IL1RAPL1: variants seen among roughly 807,000 people sequenced by gnomAD.
IL1RAPL1 encodes interleukin-1 receptor accessory protein-like 1.
Under a neutral mutation model 48.4 loss-of-function variants are expected in IL1RAPL1, and 3 were observed. The ratio of observed to expected loss-of-function variants is 0.06; its 90% CI spans 0.03 to 0.16. The LOEUF is 0.16. Among genes scored for constraint, IL1RAPL1 ranks in the 10% least tolerant of loss-of-function variants. The pLI, the probability that IL1RAPL1 is intolerant of heterozygous loss-of-function variation, is 1.00. For synonymous variants in IL1RAPL1, 185 were observed against 187.7 expected (o/e 0.99, Z 0.12); for missense variants, 349 against 530.6 (o/e 0.66, Z 3.36).
At chrX:29,484,482 A>G (rs1935076004) in intron 5 of IL1RAPL1, among the ~76,000 whole-genome samples, 1 of 112,204 alleles carries the variant, frequency 8.9e-6, no homozygotes, top group African/African-American at 3.2e-5. Context: ...CATTCACACC[A>G]TAGCACACAA....
At chrX:29,054,132 G>T (rs1167833636) in intron 2 of IL1RAPL1, among the ~76,000 whole-genome samples, 1 of 111,034 alleles carries the variant, frequency 9.0e-6, no homozygotes, top group Non-Finnish European at 1.9e-5. Context: ...TTCAAATTCT[G>T]TGTAACATAT....
intron 6 of IL1RAPL1, among the ~76,000 whole-genome samples, chrX:29,751,326 A>C (rs953138314): frequency 2.7e-5 from 3 of 111,532 alleles, no homozygotes; most frequent in African/African-American, 9.8e-5. Flanking sequence ...ATTATCATGT[A>C]CTAACCAAAA....
At chrX:29,246,537 G>T (rs1321854292) in intron 2 of IL1RAPL1, among the ~76,000 whole-genome samples, 1 of 110,906 alleles carries the variant, frequency 9.0e-6, no homozygotes, top group African/African-American at 3.3e-5. Context: ...TCTTCTTTCG[G>T]TTTCCCTCCC....
intron 1 of IL1RAPL1, among the ~76,000 whole-genome samples, chrX:28,763,213 G>C (rs950662751): frequency 1.8e-5 from 2 of 111,462 alleles, no homozygotes; most frequent in Non-Finnish European, 3.8e-5. Context: ...TGAGTTAGGA[G>C]AGGCTGTTAT....
At chrX:29,210,119 G>A (rs1455579062) in intron 2 of IL1RAPL1, among the ~76,000 whole-genome samples, 2 of 112,067 alleles carry the variant, frequency 1.8e-5, no homozygotes, top group Non-Finnish European at 3.8e-5. Flanking sequence ...GCTAAACAAT[G>A]TTCTCAATCA....
intron 2 of IL1RAPL1, among the ~76,000 whole-genome samples, chrX:29,190,412 C>A (rs1306304229): frequency 8.9e-6 from 1 of 112,158 alleles, no homozygotes; most frequent in African/African-American, 3.2e-5. Flanking sequence ...CACGGACTAT[C>A]AAACTGTGGT....
At chrX:28,595,096 C>T (rs185135088) in intron 1 of IL1RAPL1, among the ~76,000 whole-genome samples, 2 of 112,075 alleles carry the variant, frequency 1.8e-5, no homozygotes, top group Non-Finnish European at 3.8e-5. Flanking sequence ...CCCACTTTGA[C>T]GATATTGAAT....
At chrX:28,702,360 C>G (rs187243547) in intron 1 of IL1RAPL1, among the ~76,000 whole-genome samples, 1 of 111,498 alleles carries the variant, frequency 9.0e-6, no homozygotes, top group African/African-American at 3.2e-5. Flanking sequence ...AAAATGAAAA[C>G]AATTGAAAAA....
intron 2 of IL1RAPL1, among the ~76,000 whole-genome samples, chrX:29,266,451 A>G (rs1306617295): frequency 9.0e-6 from 1 of 111,611 alleles, no homozygotes; most frequent in African/African-American, 3.3e-5. Flanking sequence ...GGGTAAGACA[A>G]TACATGAGTA....
At chrX:29,533,370 A>G (rs181133925) in intron 5 of IL1RAPL1, among the ~76,000 whole-genome samples, 38 of 112,032 alleles carry the variant, frequency 3.4e-4, no homozygotes, top group Middle Eastern at 9.3e-3. Flanking sequence ...TACCATGTGG[A>G]TTTTTTGTGA....
At chrX:29,707,399 A>C (rs1012794755) in intron 6 of IL1RAPL1, among the ~76,000 whole-genome samples, 10 of 112,467 alleles carry the variant, frequency 8.9e-5, no homozygotes, top group Admixed American at 8.5e-4. Context: ...AAGAACCAAA[A>C]GTAGATCTTT....
intron 9 of IL1RAPL1, among the ~76,000 whole-genome samples, chrX:29,947,654 C>T (rs981187427): frequency 9.1e-6 from 1 of 110,256 alleles, no homozygotes; most frequent in African/African-American, 3.3e-5. Flanking sequence ...CAAGGTCACT[C>T]ACTATTCATA....
intron 3 of IL1RAPL1, among the ~76,000 whole-genome samples, chrX:29,320,088 T>C (rs1470427029): frequency 9.0e-6 from 1 of 111,653 alleles, no homozygotes; most frequent in Admixed American, 9.5e-5. Flanking sequence ...TTTTTGGTGT[T>C]GAGTACAAAG....
intron 1 of IL1RAPL1, among the ~76,000 whole-genome samples, chrX:28,636,432 G>A (rs1934465851): frequency 9.0e-6 from 1 of 111,439 alleles, no homozygotes; most frequent in African/African-American, 3.3e-5. Flanking sequence ...TATTTTTCAT[G>A]TTGCCTCCCT....
intron 5 of IL1RAPL1, among the ~76,000 whole-genome samples, chrX:29,471,632 C>T (rs887833743): frequency 8.9e-6 from 1 of 111,802 alleles, no homozygotes; most frequent in Admixed American, 9.5e-5. Context: ...CCAAGCTTAA[C>T]TTTGCCTTTG....
chrX:29,122,411 A>T (rs5985955), intron 2 of IL1RAPL1, among the ~76,000 whole-genome samples: 110 of 37,767 alleles, frequency 2.9e-3, no homozygotes, highest in Admixed American at 7.2e-3. Flanking sequence ...TCTCTCTCTC[A>T]CACACACACA....
chrX:29,200,854 G>C (rs868853886), intron 2 of IL1RAPL1, among the ~76,000 whole-genome samples: 1 of 111,126 alleles, frequency 9.0e-6, no homozygotes, highest in Middle Eastern at 4.7e-3. Flanking sequence ...AAGTTCAGGG[G>C]TATATGTACA....
intron 2 of IL1RAPL1, among the ~76,000 whole-genome samples, chrX:28,951,735 A>T (rs1365684844): frequency 1.8e-5 from 2 of 111,717 alleles, no homozygotes; most frequent in African/African-American, 6.5e-5. Context: ...AGAAAAATAA[A>T]AAAGTGCGAT....
intron 2 of IL1RAPL1, among the ~76,000 whole-genome samples, chrX:29,191,021 G>A (rs377083705): frequency 9.5e-4 from 105 of 110,958 alleles, no homozygotes; most frequent in African/African-American, 3.1e-3. Context: ...TCTGAAATGC[G>A]CATATATTTC....
Sources: gnomAD v4.1 joint callset for allele counts (sites outside exome capture counted in the v4.1 genomes callset) on GRCh38, gnomAD v4.1.1 for gene constraint, MANE v1.5 for transcripts, NCBI Gene and HGNC (gene_info 2026-07-23, HGNC 2026-07-21) for gene names.